Variants in GPR37 observed in about 807,000 individuals in gnomAD.
GPR37 encodes the protein prosaposin receptor GPR37.
In GPR37, 20 loss-of-function variants were observed where a neutral mutation model predicts 43.6. The ratio of observed to expected loss-of-function variants is 0.46; its 90% CI spans 0.32 to 0.67. The LOEUF is 0.67. Ranked by LOEUF, GPR37 falls within the 30% of genes least tolerant of loss-of-function variation. The pLI is 0.03. For missense variants in GPR37, 724 were observed against 797.2 expected (o/e 0.91, Z 1.11); for synonymous variants, 315 against 322.6 (o/e 0.98, Z 0.25).
In GPR37 at chr7:124,756,580, T is replaced by C. The variant is rs1041878802; in HGVS notation, c.1023+7374A>G. ...AAATTTTGGATGAGATCATCTCTTC[T>C]GGCACAAAGAGTATTATTCCAATTA... On this transcript the variant is annotated intron_variant, in intron 1 of 1. Transcript: ENST00000303921. 2.6e-5 allele frequency among the ~76,000 whole-genome samples: 4 copies of C among 152,256 alleles called. No individual in the cohort carries two copies. In the East Asian group the frequency reaches 5.8e-4, roughly 22 times the overall value.
intron 1 of GPR37, among the ~76,000 whole-genome samples, chr7:124,757,701 C>T: frequency 6.6e-6 from 1 of 152,102 alleles, no homozygotes; most frequent in South Asian, 2.1e-4. Context: ...TTTGTTCAAA[C>T]CTCTATTATA....
chr7:124,764,441 A>C lies in GPR37; in HGVS notation c.536T>G (p.Leu179Arg). Residue 179 changes from leucine to arginine, a missense_variant, in exon 1 of 2, where the codon CTT becomes CGT. Physicochemically the swap from Leu to Arg is moderately radical, Grantham distance 102. This residue lies in a region of GPR37 where 382 missense variants were observed against 355.4 expected (regional missense o/e 1.07). Coordinates refer to ENST00000303921, the MANE Select transcript of GPR37 (RefSeq NM_005302.5). This position sits in a 1 kb window ranked among gnomAD's most constrained non-coding sequence, Gnocchi z 5.4. ...SVKTVPGASDLFYWPRRAGKL... is the reference protein window; with the variant it reads ...SVKTVPGASDRFYWPRRAGKL... Reference sequence around the variant, plus strand: ...CCCGGCTCTCCTTGGCCAGTAAAAAAGATCGCTGGCTCCGGGGACTGTCTT... The same window carrying C: ...CCCGGCTCTCCTTGGCCAGTAAAAACGATCGCTGGCTCCGGGGACTGTCTT... 6.2e-7 allele frequency: 1 copy of C among 1,613,718 alleles called. No homozygotes were observed. The highest frequency in any genetic ancestry group is 8.5e-7 in the Non-Finnish European group (1 of 1,180,038).
chr7:124,747,425 ACTGT>A, intron 1 of GPR37, 82 bp from the exon 2 acceptor site: 1 of 820,028 alleles, frequency 1.2e-6, no homozygotes, highest in Non-Finnish European at 1.9e-6. Context: ...GATTGGCAAA[ACTGT>A]AAAAAAAAAT....
intron 1 of GPR37, among the ~76,000 whole-genome samples, chr7:124,756,918 C>A (rs550075919): frequency 6.6e-6 from 1 of 152,336 alleles, no homozygotes; most frequent in East Asian, 1.9e-4. Context: ...CCCTCACCCA[C>A]TCAGCCTTCG....
In GPR37 at chr7:124,764,782, G is replaced by C. The variant is rs1187560636; in HGVS notation, c.195C>G (p.Asp65Glu). 6.2e-7 allele frequency: 1 copy of C among 1,613,234 alleles called. No homozygotes were observed. Among genetic ancestry groups the C allele is most frequent in the Non-Finnish European group, 8.5e-7 (1 of 1,180,008 alleles). The stretch of plus-strand genomic sequence containing the variant: ...CCCTGGGTGCTCGGGCTCGCAGAAC[G>C]TCTCTTGCAGAATTTCCCGGTCCCC... Reference protein sequence around the residue: ...DAWGPGNSARDVLRARAPREE... With the variant: ...DAWGPGNSAREVLRARAPREE... Residue 65 changes from aspartate to glutamate, a missense_variant, in exon 1 of 2, where the codon GAC becomes GAG. By Grantham distance (45) the Asp-to-Glu change is conservative. Transcript: ENST00000303921. This position sits in a 1 kb window ranked among gnomAD's most constrained non-coding sequence, Gnocchi z 5.4.
intron 1 of GPR37, 151 bp downstream of exon 1, chr7:124,763,803 T>C (rs1793877815): frequency 4.2e-6 from 3 of 716,346 alleles, no homozygotes; most frequent in Admixed American, 2.3e-5. Flanking sequence ...TATACATACA[T>C]GCATAAATGA....
chr7:124,755,841 G>A (rs1793785376), intron 1 of GPR37, among the ~76,000 whole-genome samples: 1 of 152,104 alleles, frequency 6.6e-6, no homozygotes, highest in Non-Finnish European at 1.5e-5. Flanking sequence ...TGGAATTTCA[G>A]TTCCTTACCT....
chr7:124,757,954 A>C (rs1396457634), intron 1 of GPR37, among the ~76,000 whole-genome samples: 1 of 152,206 alleles, frequency 6.6e-6, no homozygotes, highest in Non-Finnish European at 1.5e-5. Flanking sequence ...TAAATTATTC[A>C]AATTGTTCTT....
In GPR37 at chr7:124,764,282, G is replaced by A. The variant is rs1370219548; in HGVS notation, c.695C>T (p.Pro232Leu). 6.2e-7 allele frequency: 1 copy of A among 1,601,358 alleles called. No homozygotes were observed. The highest frequency in any genetic ancestry group is 1.7e-5 in the Admixed American group (1 of 58,496). The stretch of plus-strand genomic sequence containing the variant: ...GCTGTTTCCCCGGCGGGGACCCCCA[G>A]GCTCATGGATTCCTTCACCCAAGGA... ...NGSLGEGIHE[P>L]GGPRRGNSTN... The change falls in exon 1 of 2, where the codon CCT becomes CTT. Residue 232 changes from proline (P) to leucine (L), a missense_variant. Coordinates refer to ENST00000303921, the MANE Select transcript of GPR37 (RefSeq NM_005302.5). This position sits in a 1 kb window ranked among gnomAD's most constrained non-coding sequence, Gnocchi z 5.4.
chr7:124,756,597 T>C (rs1793794482), intron 1 of GPR37, among the ~76,000 whole-genome samples: 1 of 152,250 alleles, frequency 6.6e-6, no homozygotes, highest in African/African-American at 2.4e-5. Flanking sequence ...AAGAGTATTA[T>C]TCCAATTAGG....
Position 124,765,078 on chromosome 7 carries a change from A to C in GPR37, c.-102T>G. ...AGAGTTAGGCACATGTCACATACTCACCCCCGCCCGGGTAGCGGGGAACCG... is the reference window on the plus strand; with the variant it reads ...AGAGTTAGGCACATGTCACATACTCCCCCCCGCCCGGGTAGCGGGGAACCG... On this transcript the variant is annotated 5_prime_UTR_variant, in exon 1 of 2. Transcript: ENST00000303921. The C allele has an allele frequency of 6.3e-6, 7 of 1,108,004 alleles. No individual in the cohort carries two copies. The highest frequency in any genetic ancestry group is 7.2e-6 in the Non-Finnish European group (6 of 828,252). 68.6% of individuals were successfully genotyped at this position (1,108,004 alleles called of 1,614,324 possible). A position where few individuals can be genotyped will look rare whatever the true frequency, so the allele number is the denominator to read the frequency against.
chr7:124,764,715 G>T lies in GPR37; in HGVS notation c.262C>A (p.Leu88Met). 1 of 1,602,006 alleles carries T rather than the reference G, an allele frequency of 6.2e-7. No homozygotes were observed. Among genetic ancestry groups the T allele is most frequent in the Non-Finnish European group, 8.5e-7 (1 of 1,176,068 alleles). The change falls in exon 1 of 2, where the codon CTG becomes ATG. Residue 88 changes from leucine (L) to methionine (M), a missense_variant. Physicochemically the swap from Leu to Met is conservative, Grantham distance 15. Coordinates refer to ENST00000303921, the MANE Select transcript of GPR37 (RefSeq NM_005302.5). This position sits in a 1 kb window ranked among gnomAD's most constrained non-coding sequence, Gnocchi z 5.4. ...AAFLAGPSWDLPAAPGRDPAA... is the reference protein window; with the variant it reads ...AAFLAGPSWDMPAAPGRDPAA... ...GGGTCACGGCCCGGGGCCGCCGGCA[G>T]GTCCCAGGAGGGTCCCGCAAGAAAC... is the stretch of plus-strand genomic sequence containing the variant.
intron 1 of GPR37, among the ~76,000 whole-genome samples, chr7:124,749,815 A>AT (rs1793712374): frequency 6.6e-6 from 1 of 152,152 alleles, no homozygotes; most frequent in South Asian, 2.1e-4. Context: ...ATAAAGAGGC[A>AT]CAATTGGGCT....
chr7:124,754,907 C>A (rs1469147381), intron 1 of GPR37, among the ~76,000 whole-genome samples: 1 of 152,090 alleles, frequency 6.6e-6, no homozygotes, highest in African/African-American at 2.4e-5. Flanking sequence ...CTTGTCCTTG[C>A]AGCATTTCAG....
rs1002076762 is a variant in GPR37 at position 124,765,157 on chromosome 7, A to G, written c.-181T>C. On this transcript the variant is annotated 5_prime_UTR_variant, in exon 1 of 2. It removes the in-frame stop codon of an upstream open reading frame in the 5' UTR. Coordinates refer to ENST00000303921, the MANE Select transcript of GPR37 (RefSeq NM_005302.5). ...CTTGGGGGTCACACACACGCCCCCT[A>G]TAATCCTTCCTCCTTTGGCATCTTG... 2.7e-5 allele frequency: 14 copies of G among 519,878 alleles called. No individual in the cohort carries two copies. The highest frequency in any genetic ancestry group is 3.9e-5 in the Non-Finnish European group (12 of 306,138). The allele number at this position is 519,878 out of a possible 1,614,324, so 32.2% of individuals were successfully genotyped here. A position where few individuals can be genotyped will look rare whatever the true frequency, so the allele number is the denominator to read the frequency against.
Position 124,747,055 on chromosome 7 carries a change from AG to A in GPR37, c.1311del (p.Tyr438ThrfsTer26). 1 of 1,613,980 alleles carries A rather than the reference AG, an allele frequency of 6.2e-7. No homozygotes were observed. The highest frequency in any genetic ancestry group is 8.5e-7 in the Non-Finnish European group (1 of 1,179,892). On this transcript the variant is annotated frameshift_variant, in exon 2 of 2. Transcript: ENST00000303921. LOFTEE classifies it high-confidence loss of function. ...LPDTIYVLAL[T>X]YDSARLWWYF... ...TACCACCACAGTCTCGCACTGTCGT[AG>A]GTGAGGGCTAGAACATAGATGGTGT... is the stretch of plus-strand genomic sequence containing the variant.
rs1322397356 is a variant in GPR37, at chr7:124,745,384, C to T, written c.*1141G>A. 2.0e-5 allele frequency among the ~76,000 whole-genome samples: 3 copies of T among 152,126 alleles called. No individual in the cohort carries two copies. Among genetic ancestry groups the T allele is most frequent in the African/African-American group, 4.8e-5 (2 of 41,436 alleles). The stretch of plus-strand genomic sequence containing the variant: ...TCCTACACAACTGCTGCATTTTAAA[C>T]TCCAGAAGAGGCAAAAGAGGGGATT... On this transcript the variant is annotated 3_prime_UTR_variant, in exon 2 of 2. Transcript: ENST00000303921.
intron 1 of GPR37, among the ~76,000 whole-genome samples, chr7:124,755,282 G>GACTT (rs1793779884): frequency 6.6e-6 from 1 of 152,060 alleles, no homozygotes. Context: ...AATATACTCA[G>GACTT]ACTATTCCAT....
At chr7:124,752,149 G>C (rs1470001402) in intron 1 of GPR37, among the ~76,000 whole-genome samples, 5 of 152,106 alleles carry the variant, frequency 3.3e-5, no homozygotes, top group African/African-American at 1.2e-4. Context: ...ATGTGGAGCA[G>C]TGAGGCTTTG....
Sources: gnomAD v4.1 joint callset for allele counts (sites outside exome capture counted in the v4.1 genomes callset) on GRCh38, gnomAD v4.1.1 for gene constraint, gnomAD v4.1.1 regional missense constraint, Gnocchi (gnomAD v3.1) non-coding constraint, MANE v1.5 for transcripts, NCBI Gene and HGNC (gene_info 2026-07-23, HGNC 2026-07-21) for gene names.